Variants in MCM3AP observed in about 807,000 individuals in gnomAD.
MCM3AP encodes germinal-center associated nuclear protein.
MCM3AP carries 126 observed loss-of-function variants against 184.1 expected under a neutral mutation model. The ratio of observed to expected loss-of-function variants is 0.68; its 90% CI spans 0.59 to 0.79. The LOEUF is 0.79. MCM3AP is among the 30% of genes least tolerant of loss of function. The pLI, the probability that MCM3AP is intolerant of heterozygous loss-of-function variation, is 0.00. For synonymous variants in MCM3AP, 1,002 were observed against 979.3 expected, an observed-to-expected ratio of 1.02 and a Z score of -0.43; for missense variants, 2,496 against 2,479.2, an observed-to-expected ratio of 1.01 and a Z score of -0.14.
At chr21:46,282,426 C>G (rs2081345165) in intron 2 of MCM3AP, among the ~76,000 whole-genome samples, 1 of 152,116 alleles carries the variant, frequency 6.6e-6, no homozygotes. Context: ...GTAATTTTGT[C>G]TATGAGAATA....
intron 5 of MCM3AP, 33 bp downstream of exon 5, chr21:46,277,494 G>A: frequency 6.7e-7 from 1 of 1,484,784 alleles, no homozygotes; most frequent in South Asian, 1.4e-5. Context: ...GACCTCACCA[G>A]GCCCCTAGAA....
At position 46,259,095 on chromosome 21, in the gene MCM3AP, G is replaced by C; in HGVS notation, c.3582-4C>G. 2 of 1,603,828 alleles carry C rather than the reference G, an allele frequency of 1.2e-6. No homozygotes were observed. The highest frequency in any genetic ancestry group is 1.7e-6 in the Non-Finnish European group (2 of 1,175,346). Reference sequence around the variant, plus strand: ...CTGGTCTGTCTCTACTGCATTCCTAGAAACAGGGCAATCAGCATGGAAGAC... The same window carrying C: ...CTGGTCTGTCTCTACTGCATTCCTACAAACAGGGCAATCAGCATGGAAGAC... On this transcript the variant is annotated splice_region_variant and splice_polypyrimidine_tract_variant and intron_variant, in intron 15 of 27. Transcript: ENST00000291688.
intron 2 of MCM3AP, among the ~76,000 whole-genome samples, chr21:46,283,011 C>T (rs532589561): frequency 3.3e-5 from 5 of 151,684 alleles, no homozygotes; most frequent in Admixed American, 2.6e-4. Flanking sequence ...CTGCAACCGC[C>T]GCCTCCCGGA....
rs1255156529 is a variant in MCM3AP at position 46,284,895 on chromosome 21, G to A, written c.392C>T (p.Ala131Val). The A allele has an allele frequency of 1.9e-6, 3 of 1,614,184 alleles. No individual in the cohort carries two copies. In the South Asian group the frequency reaches 3.3e-5, roughly 18 times the overall value. The change falls in exon 1 of 28, where the codon GCT becomes GTT. Residue 131 changes from alanine to valine, a missense_variant. Ala to Val is a moderately conservative substitution (Grantham distance 64, BLOSUM62 0). This residue lies in a region of MCM3AP where 800 missense variants were observed against 717.1 expected (regional missense o/e 1.12). Coordinates refer to ENST00000291688, the MANE Select transcript of MCM3AP (RefSeq NM_003906.5). ...AAAACCAGAGTTCACTATTTCTCCA[G>A]CTTCTTGTCCAAAAGCAGAAGTGCT... ...FPSTSAFGQE[A>V]GEIVNSGFGK... is the part of the protein sequence containing the mutation.
In MCM3AP at chr21:46,258,908, TGG is replaced by T. The variant is rs762660133; in HGVS notation, c.3734+29_3734+30del. 16 of 1,613,098 alleles carry T rather than the reference TGG, an allele frequency of 9.9e-6. No homozygotes were observed. The East Asian group carries it at 3.6e-4, about 36-fold the overall frequency. On this transcript the variant is annotated intron_variant, in intron 16 of 27. Coordinates refer to ENST00000291688, the MANE Select transcript of MCM3AP (RefSeq NM_003906.5). ...GTTAAAAGACTCTTCCCCGTGTGTG[TGG>T]ATTTTGCCTGTAGGAACACAGGACT...
At chr21:46,250,719 C>G (rs4818829) in intron 20 of MCM3AP, 120,251 of 152,214 alleles carry the variant, frequency 0.79, 48,268 homozygotes, top group African/African-American at 0.91. Flanking sequence ...CCAACATTTT[C>G]ATTTCCACCC....
chr21:46,241,109 TAACATGTAAG>T (rs2080656413), intron 25 of MCM3AP, 92 bp from the exon 26 acceptor site: 2 of 935,706 alleles, frequency 2.1e-6, no homozygotes, highest in African/African-American at 1.6e-5. Flanking sequence ...ACATGTGCAT[TAACATGTAAG>T]AACATGTGCC....
intron 27 of MCM3AP, 148 bp from the exon 28 acceptor site, chr21:46,235,574 A>G: frequency 3.1e-6 from 2 of 647,778 alleles, no homozygotes; most frequent in Middle Eastern, 3.0e-4. Context: ...TCCTTTGTAT[A>G]TCCTTCCAGC....
chr21:46,278,946 T>C (rs1380188855), intron 4 of MCM3AP, among the ~76,000 whole-genome samples: 1 of 11,040 alleles, frequency 9.1e-5, no homozygotes, highest in Non-Finnish European at 1.8e-4. Context: ...GTGCTGGGAT[T>C]ACAGGCGTGA....
intron 17 of MCM3AP, among the ~76,000 whole-genome samples, chr21:46,255,573 G>A (rs557922068): frequency 9.2e-5 from 14 of 152,202 alleles, no homozygotes; most frequent in African/African-American, 1.2e-4. Context: ...TGCCCTAAGC[G>A]CAGGAGGACA....
chr21:46,249,235 C>T (rs562907785), intron 20 of MCM3AP, among the ~76,000 whole-genome samples: 45 of 152,208 alleles, frequency 3.0e-4, no homozygotes, highest in Non-Finnish European at 3.4e-4. Flanking sequence ...CTGTCAACAC[C>T]GGAGTGCAGT....
In MCM3AP at chr21:46,265,373, G is replaced by C. The variant is rs1351956491; in HGVS notation, c.3182C>G (p.Ser1061Cys). 6.2e-7 allele frequency: 1 copy of C among 1,614,046 alleles called. No homozygotes were observed. The change falls in exon 12 of 28, where the codon TCT becomes TGT. Residue 1061 changes from serine to cysteine, a missense_variant. By Grantham distance (112) the Ser-to-Cys change is moderately radical. Around this residue, in one of 5 missense-constraint regions of MCM3AP, gnomAD observed 1,323 missense variants for 1,273.4 expected, o/e 1.04. Transcript: ENST00000291688. ...TGGAGGCGGTGGTTCAGGCTGCACAGACAGCTGGAAGAGGCTGGGCGCCAC... is the reference window on the plus strand; with the variant it reads ...TGGAGGCGGTGGTTCAGGCTGCACACACAGCTGGAAGAGGCTGGGCGCCAC... ...PSVAPSLFQL[S>C]VQPEPPPPEP...
intron 8 of MCM3AP, among the ~76,000 whole-genome samples, chr21:46,271,326 GT>G (rs375433728): frequency 0.048 from 6,391 of 132,144 alleles, 179 homozygotes; most frequent in Non-Finnish European, 0.071. Context: ...CCACACCTGG[GT>G]TTTTTTTTTT....
rs2080496170 is a variant in MCM3AP at position 46,235,182 on chromosome 21, A to G, written c.*86T>C. On this transcript the variant is annotated 3_prime_UTR_variant, in exon 28 of 28. Coordinates refer to ENST00000291688, the MANE Select transcript of MCM3AP (RefSeq NM_003906.5). Reference sequence around the variant, plus strand: ...TGATTAAATTAATCACATTTCCAACAGTGCATCAAGCATCTGAGAATAACA... The same window carrying G: ...TGATTAAATTAATCACATTTCCAACGGTGCATCAAGCATCTGAGAATAACA... 1.5e-6 allele frequency: 2 copies of G among 1,328,542 alleles called. No individual in the cohort carries two copies. The highest frequency in any genetic ancestry group is 2.1e-6 in the Non-Finnish European group (2 of 943,500). 82.3% of individuals were successfully genotyped at this position (1,328,542 alleles called of 1,614,324 possible).
Position 46,260,049 on chromosome 21 carries a change from G to C in MCM3AP, c.3581+744C>G, listed in dbSNP as rs1184631844. ...CCAGATCACGCCACTGCACTCCAGTGTGGGCGACAGAGCAAGACTCCGTCT... is the reference window on the plus strand; with the variant it reads ...CCAGATCACGCCACTGCACTCCAGTCTGGGCGACAGAGCAAGACTCCGTCT... On this transcript the variant is annotated intron_variant, in intron 15 of 27. Transcript: ENST00000291688. Among the ~76,000 whole-genome samples the C allele has an allele frequency of 3.9e-5, 6 of 151,936 alleles. No homozygotes were observed. In the East Asian group the frequency reaches 7.8e-4, roughly 20 times the overall value.
chr21:46,240,940 C>G lies in MCM3AP; in HGVS notation c.5504G>C (p.Arg1835Thr). ...CCCCTCTTGAGCACACTCTGTGCTCCTCTTCCAGTTACGGTGCATGTGAAG... is the reference window on the plus strand; with the variant it reads ...CCCCTCTTGAGCACACTCTGTGCTCGTCTTCCAGTTACGGTGCATGTGAAG... Reference protein sequence around the residue: ...PLLHMHRNWKRSTECAQEGRI... With the variant: ...PLLHMHRNWKTSTECAQEGRI... Residue 1835 changes from arginine to threonine, a missense_variant, in exon 26 of 28, where the codon AGG (arginine) becomes ACG (threonine). Transcript: ENST00000291688. The G allele has an allele frequency of 6.2e-7, 1 of 1,613,950 alleles. No homozygotes were observed. Among genetic ancestry groups the G allele is most frequent in the Non-Finnish European group, 8.5e-7 (1 of 1,179,794 alleles).
Position 46,272,661 on chromosome 21 carries a change from T to A in MCM3AP, c.2365A>T (p.Met789Leu), listed in dbSNP as rs1361443673. The change falls in exon 8 of 28, where the codon ATG (methionine) becomes TTG (leucine). Residue 789 changes from methionine (M) to leucine (L), a missense_variant. This residue lies in a region of MCM3AP where 105 missense variants were observed against 97.1 expected (regional missense o/e 1.08). Transcript: ENST00000291688. The part of the protein sequence containing the change: ...MTKCLQSLKE[M>L]YQDLRNKGVF... ...CCCTTGTTTCTCAGGTCCTGGTACA[T>A]CTCCTTCAGGCTCTGCAGGCACTTG... is the stretch of plus-strand genomic sequence containing the variant. 2.5e-6 allele frequency: 4 copies of A among 1,614,198 alleles called. No individual in the cohort carries two copies. Among genetic ancestry groups the A allele is most frequent in the Non-Finnish European group, 3.4e-6 (4 of 1,180,032 alleles).
intron 23 of MCM3AP, 174 bp downstream of exon 23, chr21:46,244,633 A>C: frequency 1.4e-6 from 1 of 702,518 alleles, no homozygotes; most frequent in Non-Finnish European, 2.4e-6. Flanking sequence ...GTTCTGGCTC[A>C]TGAACCCAAA....
Position 46,254,818 on chromosome 21 carries a change from G to A in MCM3AP, c.3959C>T (p.Ala1320Val). 3 of 1,614,144 alleles carry A rather than the reference G, an allele frequency of 1.9e-6. No individual in the cohort carries two copies. The highest frequency in any genetic ancestry group is 2.2e-5 in the South Asian group (2 of 91,086). Residue 1320 changes from alanine (A) to valine (V), a missense_variant, in exon 18 of 28, where the codon GCT becomes GTT. Around this residue, in one of 5 missense-constraint regions of MCM3AP, gnomAD observed 1,323 missense variants for 1,273.4 expected, o/e 1.04. Transcript: ENST00000291688. ...GAAGTGCTGAACCTTCATCTGGTGA[G>A]CTGTCTTGTTTCTGAGCCGCCTTAA... ...TRLRRLRNKT[A>V]HQMKVQHFYQ...
Sources: gnomAD v4.1 joint callset for allele counts (sites outside exome capture counted in the v4.1 genomes callset) on GRCh38, gnomAD v4.1.1 for gene constraint, gnomAD v4.1.1 regional missense constraint, MANE v1.5 for transcripts, NCBI Gene and HGNC (gene_info 2026-07-23, HGNC 2026-07-21) for gene names.